Variants in PPIL3 observed in about 807,000 individuals in gnomAD.
The protein encoded by PPIL3 is peptidylprolyl isomerase like 3.
Under a neutral mutation model 20.9 loss-of-function variants are expected in PPIL3, and 13 were observed. The ratio of observed to expected loss-of-function variants is 0.62; its 90% CI spans 0.40 to 0.99. PPIL3 has a LOEUF of 0.99. PPIL3 is among the 50% of genes least tolerant of loss of function. The pLI is 0.00. For synonymous variants in PPIL3, 71 were observed against 64.4 expected (o/e 1.10, Z -0.49); for missense variants, 170 against 195.2 (o/e 0.87, Z 0.77).
chr2:200,874,639 T>C (rs1302811536), intron 6 of PPIL3, among the ~76,000 whole-genome samples: 1 of 152,172 alleles, frequency 6.6e-6, no homozygotes, highest in South Asian at 2.1e-4. Context: ...AACAATAATT[T>C]TGAATGATGT....
At chr2:200,882,009 TG>T (rs941437595) in intron 4 of PPIL3, among the ~76,000 whole-genome samples, 4 of 152,040 alleles carry the variant, frequency 2.6e-5, no homozygotes, top group Admixed American at 2.6e-4. Context: ...CACTCATAAG[TG>T]GGAGTTGAAC....
At chr2:200,880,988 C>T (rs957670695) in intron 5 of PPIL3, among the ~76,000 whole-genome samples, 14 of 152,094 alleles carry the variant, frequency 9.2e-5, no homozygotes, top group Admixed American at 4.6e-4. Context: ...CATATTAATA[C>T]AGGGATGTTC....
At position 200,887,681 on chromosome 2, in the gene PPIL3, A is replaced by G; in HGVS notation, c.-66T>C. The G allele has an allele frequency of 7.3e-7, 1 of 1,365,160 alleles. No homozygotes were observed. Among genetic ancestry groups the G allele is most frequent in the South Asian group, 1.3e-5 (1 of 78,062 alleles). The allele number at this position is 1,365,160 out of a possible 1,614,324, so 84.6% of individuals were successfully genotyped here. A position where few individuals can be genotyped will look rare whatever the true frequency, so the allele number is the denominator to read the frequency against. ...CAGTCTTACAGCGAGCTCAAAAATA[A>G]GTCTCTAGTCCCAAAAGAAAAAAAG... On this transcript the variant is annotated 5_prime_UTR_variant, in exon 2 of 7. Transcript: ENST00000392283.
intron 5 of PPIL3, among the ~76,000 whole-genome samples, chr2:200,879,681 G>C (rs775916937): frequency 6.6e-6 from 1 of 152,106 alleles, no homozygotes; most frequent in African/African-American, 2.4e-5. Flanking sequence ...CAAAAAATCA[G>C]AAATTAGCTG....
intron 2 of PPIL3, 72 bp downstream of exon 2, chr2:200,887,541 T>A (rs2039986964): frequency 2.5e-6 from 3 of 1,194,484 alleles, no homozygotes; most frequent in African/African-American, 3.0e-5. Flanking sequence ...CATGAACTTT[T>A]ATTGCCCTTG....
At chr2:200,881,350 G>T in intron 5 of PPIL3, 71 bp downstream of exon 5, 2 of 1,152,722 alleles carry the variant, frequency 1.7e-6, no homozygotes, top group South Asian at 1.3e-5. Context: ...GTATCACTAT[G>T]ACACATGTAT....
rs1342241135 is a variant in PPIL3 at position 200,888,600 on chromosome 2, A to ACCTCCG, written c.-71+350_-71+355dup. The stretch of plus-strand genomic sequence containing the variant: ...TGCGGCAGGATCTCGGCTCACTGCA[A>ACCTCCG]CCTCCGCCTCCGCCTCCCGGGTTCA... On this transcript the variant is annotated intron_variant, in intron 1 of 6. Transcript: ENST00000392283. 58 of 220,952 alleles carry ACCTCCG rather than the reference A, an allele frequency of 2.6e-4. No homozygotes were observed. In the Admixed American group the frequency reaches 2.8e-3, roughly 11 times the overall value. 13.7% of individuals were successfully genotyped at this position (220,952 alleles called of 1,614,324 possible). A position where few individuals can be genotyped will look rare whatever the true frequency, so the allele number is the denominator to read the frequency against.
chr2:200,877,965 A>G (rs2039584071), intron 5 of PPIL3, among the ~76,000 whole-genome samples: 1 of 152,208 alleles, frequency 6.6e-6, no homozygotes, highest in Admixed American at 6.5e-5. Context: ...ACTGTGAACT[A>G]TGTTACAGGG....
chr2:200,871,615 A>G, intron 6 of PPIL3, 94 bp from the exon 7 acceptor site: 16 of 1,114,678 alleles, frequency 1.4e-5, no homozygotes, highest in Non-Finnish European at 1.9e-5. Context: ...AAAAATAATC[A>G]AGTCTTACAG....
chr2:200,877,907 A>G (rs1042892199), intron 5 of PPIL3, among the ~76,000 whole-genome samples: 10 of 152,180 alleles, frequency 6.6e-5, no homozygotes, highest in Non-Finnish European at 1.0e-4. Context: ...TTTACAAGAG[A>G]CAGTGTATAG....
chr2:200,885,586 A>C, intron 3 of PPIL3, 112 bp downstream of exon 3: 1 of 719,282 alleles, frequency 1.4e-6, no homozygotes. Context: ...GTTTTCCCTA[A>C]CAATGGTTTT....
intron 6 of PPIL3, among the ~76,000 whole-genome samples, chr2:200,874,371 A>C (rs2105758629): frequency 6.6e-6 from 1 of 152,274 alleles, no homozygotes; most frequent in South Asian, 2.1e-4. Context: ...TAAGAGAAAC[A>C]GAGGAGGTAG....
At chr2:200,884,146 T>TCA (rs57893569) in intron 3 of PPIL3, among the ~76,000 whole-genome samples, 76,046 of 152,164 alleles carry the variant, frequency 0.5, 20,657 homozygotes, top group African/African-American at 0.73. Context: ...GTGCAGTGGC[T>TCA]TTGGGCAGCA....
intron 6 of PPIL3, among the ~76,000 whole-genome samples, chr2:200,873,447 C>T (rs1297983257): frequency 6.6e-6 from 1 of 152,020 alleles, no homozygotes; most frequent in Admixed American, 6.6e-5. Context: ...ACGTCAGCCT[C>T]CCAAAGTGCT....
At position 200,871,285 on chromosome 2, in the gene PPIL3, G is replaced by A. The variant is rs1351173470; in HGVS notation, c.*110C>T. ...TACCACCATTTCATAGAAGATCATAGTTGTAAACAAGCAGAAGGATGATGC... is the reference window on the plus strand; with the variant it reads ...TACCACCATTTCATAGAAGATCATAATTGTAAACAAGCAGAAGGATGATGC... On this transcript the variant is annotated 3_prime_UTR_variant, in exon 7 of 7. Transcript: ENST00000392283. 8.2e-7 allele frequency: 1 copy of A among 1,212,690 alleles called. No homozygotes were observed. The highest frequency in any genetic ancestry group is 1.1e-6 in the Non-Finnish European group (1 of 875,738). The allele number at this position is 1,212,690 out of a possible 1,614,324, so 75.1% of individuals were successfully genotyped here. A position where few individuals can be genotyped will look rare whatever the true frequency, so the allele number is the denominator to read the frequency against.
At position 200,882,409 on chromosome 2, in the gene PPIL3, A is replaced by G. The variant is rs778913295; in HGVS notation, c.105T>C (p.Asn35=). ...CENFLALCAS[N]YYNGCIFHRN... is the part of the protein sequence containing the mutation. ...TATGAAATATACAGCCATTGTAGTA[A>G]TTACTGGCACAAAGAGCCAAGAAAT... Residue 35 remains asparagine (N), a synonymous_variant, in exon 4 of 7, where the codon AAT becomes AAC. Transcript: ENST00000392283. The G allele has an allele frequency of 9.3e-6, 15 of 1,607,202 alleles. No individual in the cohort carries two copies. The highest frequency in any genetic ancestry group is 1.3e-5 in the Non-Finnish European group (15 of 1,173,688).
chr2:200,874,049 C>CA (rs1386339530), intron 6 of PPIL3, among the ~76,000 whole-genome samples: 25 of 151,152 alleles, frequency 1.7e-4, no homozygotes, highest in Admixed American at 1.4e-3. Context: ...ACTAAAAATA[C>CA]AAAAAATTAG....
At position 200,885,157 on chromosome 2, in the gene PPIL3, G is replaced by A. The variant is rs1575115351; in HGVS notation, c.78+541C>T. 1.7e-5 allele frequency: 3 copies of A among 174,882 alleles called. No individual in the cohort carries two copies. In the Middle Eastern group the frequency reaches 7.8e-3, roughly 453 times the overall value. The allele number at this position is 174,882 out of a possible 1,614,324, so 10.8% of individuals were successfully genotyped here. A position where few individuals can be genotyped will look rare whatever the true frequency, so the allele number is the denominator to read the frequency against. ...AGGCTGAGGTGCATGGATCACCTGA[G>A]GTTAGAAGTTTGAGACCAGCCTGAC... On this transcript the variant is annotated intron_variant, in intron 3 of 6. Transcript: ENST00000392283.
At chr2:200,876,461 T>TA (rs1489923578) in intron 6 of PPIL3, among the ~76,000 whole-genome samples, 3 of 151,980 alleles carry the variant, frequency 2.0e-5, no homozygotes, top group South Asian at 2.1e-4. Flanking sequence ...GTGGTAGACT[T>TA]AAACTCCAGG....
Sources: gnomAD v4.1 joint callset for allele counts (sites outside exome capture counted in the v4.1 genomes callset) on GRCh38, gnomAD v4.1.1 for gene constraint, MANE v1.5 for transcripts, NCBI Gene and HGNC (gene_info 2026-07-23, HGNC 2026-07-21) for gene names.